The following SUCLA2 variants were observed in gnomAD, a reference collection of about 807,000 sequenced individuals.
SUCLA2 encodes the protein succinate--CoA ligase [ADP-forming] subunit beta, mitochondrial.
Under a neutral mutation model 54.8 loss-of-function variants are expected in SUCLA2, and 30 were observed. That is an observed-to-expected ratio of 0.55 (90% CI 0.41 to 0.74). SUCLA2 has a LOEUF of 0.74. Among genes scored for constraint, SUCLA2 ranks in the 30% least tolerant of loss-of-function variants. The pLI is 0.00. For missense variants in SUCLA2, 476 were observed against 562.9 expected (o/e 0.85, Z 1.56); for synonymous variants, 172 against 188.9 (o/e 0.91, Z 0.74).
chr13:47,956,307 C>T (rs376922359), intron 6 of SUCLA2, among the ~76,000 whole-genome samples: 1 of 151,888 alleles, frequency 6.6e-6, no homozygotes, highest in East Asian at 1.9e-4. Context: ...AACTTAACAG[C>T]AGACTGGTGA....
chr13:47,962,637 G>C (rs1949879937), intron 6 of SUCLA2, among the ~76,000 whole-genome samples: 1 of 152,174 alleles, frequency 6.6e-6, no homozygotes, highest in South Asian at 2.1e-4. Context: ...TCTATTAGAT[G>C]AAACTTTGAT....
In SUCLA2 at chr13:47,955,786, T is replaced by C. The variant is rs146118107; in HGVS notation, c.803-1229A>G. Among the ~76,000 whole-genome samples the C allele has an allele frequency of 3.2e-3, 490 of 152,216 alleles. 5 individuals are homozygous for C. Among genetic ancestry groups the C allele is most frequent in the African/African-American group, 0.011 (467 of 41,544 alleles). ...TCTTAACAAAGGTCACCTCTCTGAC[T>C]TCACCTTTCAGTACCCTACCCCTTC... On this transcript the variant is annotated intron_variant, in intron 6 of 10. Transcript: ENST00000646932.
intron 5 of SUCLA2, chr13:47,971,645 CA>C (rs1424428118): frequency 2.8e-6 from 1 of 358,314 alleles, no homozygotes; most frequent in African/African-American, 2.1e-5. Flanking sequence ...TGAACACATA[CA>C]AATTGAAAGA....
At chr13:47,944,347 T>C (rs76911394) in intron 10 of SUCLA2, among the ~76,000 whole-genome samples, 12,876 of 152,222 alleles carry the variant, frequency 0.085, 729 homozygotes, top group South Asian at 0.18. Flanking sequence ...ATTATTATTG[T>C]TATGACTTCT....
Position 47,988,548 on chromosome 13 carries a change from G to T in SUCLA2, c.527C>A (p.Ser176Ter). 2 of 1,613,560 alleles carry T rather than the reference G, an allele frequency of 1.2e-6. No homozygotes were observed. Among genetic ancestry groups the T allele is most frequent in the East Asian group, 4.5e-5 (2 of 44,828 alleles). Reference protein sequence around the residue: ...EYYFAITMERSFQGPVLIGSS... With the variant: ...EYYFAITMER ...ATGTCTACAATTACTCACTTGAAAT[G>T]ACCTTTCCATTGTTATTGCAAAGTA... is the stretch of plus-strand genomic sequence containing the variant. Residue 176 changes from serine (S) to a stop codon, truncating the protein, a stop_gained, in exon 4 of 11, where the codon TCA becomes TAA. Coordinates refer to ENST00000646932, the MANE Select transcript of SUCLA2 (RefSeq NM_003850.3). LOFTEE classifies it high-confidence loss of function.
chr13:47,954,319 A>G (rs1432124268), intron 7 of SUCLA2, 37 bp from the exon 8 acceptor site: 1 of 1,613,730 alleles, frequency 6.2e-7, no homozygotes, highest in Non-Finnish European at 8.5e-7. Context: ...AGCAACAAAC[A>G]CAGAGAAAAT....
At chr13:47,964,729 C>T (rs996065874) in intron 6 of SUCLA2, among the ~76,000 whole-genome samples, 7 of 152,014 alleles carry the variant, frequency 4.6e-5, no homozygotes, top group South Asian at 2.1e-4. Flanking sequence ...TGGTGGCGGG[C>T]ACCTGTAGTC....
intron 1 of SUCLA2, chr13:48,000,780 C>A (rs1950223804): frequency 1.1e-6 from 1 of 915,706 alleles, no homozygotes. Context: ...CCAAGAAACA[C>A]AAAAGTACTT....
At chr13:47,970,854 C>T (rs930795531) in intron 5 of SUCLA2, among the ~76,000 whole-genome samples, 11 of 149,842 alleles carry the variant, frequency 7.3e-5, no homozygotes, top group Admixed American at 4.0e-4. Context: ...AGCAAGACTC[C>T]GTCTCAAAAA....
chr13:47,949,216 A>C (rs529084963), intron 9 of SUCLA2, among the ~76,000 whole-genome samples, 188 bp from the exon 10 acceptor site: 1 of 152,358 alleles, frequency 6.6e-6, no homozygotes, highest in African/African-American at 2.4e-5. Context: ...TTTGCCTTAC[A>C]ATAATTCTGA....
At chr13:47,965,502 A>AC in intron 6 of SUCLA2, 2 of 390,786 alleles carry the variant, frequency 5.1e-6, no homozygotes, top group Admixed American at 4.5e-5. Flanking sequence ...TTTAAAAAAA[A>AC]AAAAACAAAC....
At chr13:47,944,281 C>G (rs1460646466) in intron 10 of SUCLA2, among the ~76,000 whole-genome samples, 1 of 152,102 alleles carries the variant, frequency 6.6e-6, no homozygotes, top group Non-Finnish European at 1.5e-5. Context: ...ATTGCATGCA[C>G]AGTAAACACT....
chr13:47,965,652 T>C (rs538877254), intron 6 of SUCLA2: 68 of 398,058 alleles, frequency 1.7e-4, no homozygotes, highest in African/African-American at 1.3e-3. Flanking sequence ...TGGGGAAAAA[T>C]AGTATAAAGG....
At chr13:47,982,475 C>CA (rs1002091149) in intron 4 of SUCLA2, among the ~76,000 whole-genome samples, 1 of 132,104 alleles carries the variant, frequency 7.6e-6, no homozygotes, top group Non-Finnish European at 1.6e-5. Flanking sequence ...TTTTGTAAGA[C>CA]AAAAAAAGTT....
intron 4 of SUCLA2, among the ~76,000 whole-genome samples, chr13:47,982,512 T>C (rs1386368868): frequency 3.4e-5 from 5 of 148,278 alleles, no homozygotes; most frequent in African/African-American, 1.2e-4. Context: ...AAAAAAAAGA[T>C]TTGGATATCT....
At chr13:47,943,756 G>A (rs1184047221) in intron 10 of SUCLA2, among the ~76,000 whole-genome samples, 12 of 120,532 alleles carry the variant, frequency 1.0e-4, no homozygotes, top group Admixed American at 5.1e-4. Context: ...GTGTGTGTGT[G>A]TGTGTGTGTG....
intron 6 of SUCLA2, among the ~76,000 whole-genome samples, chr13:47,957,961 A>G (rs1200117860): frequency 1.3e-5 from 2 of 152,134 alleles, no homozygotes; most frequent in East Asian, 3.9e-4. Context: ...TATAGTCATG[A>G]GAAATTAGAA....
At position 47,976,107 on chromosome 13, in the gene SUCLA2, T is replaced by A. The variant is rs183602720; in HGVS notation, c.535-2715A>T. 4.7e-3 allele frequency among the ~76,000 whole-genome samples: 698 copies of A among 146,960 alleles called. 2 individuals are homozygous for A. Among genetic ancestry groups the A allele is most frequent in the Non-Finnish European group, 6.8e-3 (434 of 64,176 alleles). ...ACAAAAATTTAAAATTAAAAAAAAA[T>A]TTTTGTTTAATGCCTACACCATAGA... is the stretch of plus-strand genomic sequence containing the variant. On this transcript the variant is annotated intron_variant, in intron 4 of 10. Coordinates refer to ENST00000646932, the MANE Select transcript of SUCLA2 (RefSeq NM_003850.3).
chr13:47,946,250 T>C (rs182743060), intron 10 of SUCLA2, among the ~76,000 whole-genome samples: 21 of 152,350 alleles, frequency 1.4e-4, no homozygotes, highest in African/African-American at 2.9e-4. Context: ...AAGGAATATA[T>C]GTACAGGAAG....
Sources: allele counts gnomAD v4.1 joint callset (sites outside exome capture counted in the v4.1 genomes callset), GRCh38; gene constraint gnomAD v4.1.1; transcripts MANE v1.5; gene names NCBI Gene and HGNC (gene_info 2026-07-23, HGNC 2026-07-21).